The following ANAPC11 variants were observed in gnomAD, a reference collection of about 807,000 sequenced individuals.
ANAPC11 encodes anaphase-promoting complex subunit 11.
ANAPC11 carries 5 observed loss-of-function variants against 11.8 expected under a neutral mutation model. The observed-to-expected ratio is 0.42, with a 90% CI of 0.22 to 0.89. The LOEUF (loss-of-function observed/expected upper bound fraction) is 0.89. Among genes scored for constraint, ANAPC11 ranks in the 40% least tolerant of loss-of-function variants. ANAPC11 has a pLI of 0.28. For missense variants in ANAPC11, 68 were observed against 112.9 expected, an observed-to-expected ratio of 0.60 and a Z score of 1.80; for synonymous variants, 45 against 41.0, an observed-to-expected ratio of 1.10 and a Z score of -0.38.
At chr17:81,896,332 G>C (rs1378406797) in intron 3 of ANAPC11, among the ~76,000 whole-genome samples, 1 of 152,170 alleles carries the variant, frequency 6.6e-6, no homozygotes, top group African/African-American at 2.4e-5. Flanking sequence ...TGAGGCAAAA[G>C]AATCGCTTGA....
chr17:81,900,358 C>T, downstream of ANAPC11: 1 of 463,716 alleles, frequency 2.2e-6, no homozygotes. Context: ...AACGCCAAGG[C>T]CCTCGTCAAA....
At chr17:81,899,630 G>A in intron 3 of ANAPC11, 4 of 1,434,146 alleles carry the variant, frequency 2.8e-6, no homozygotes, top group Non-Finnish European at 3.8e-6. Flanking sequence ...AGAGGCCCCT[G>A]GGCTCCCCAC....
upstream of ANAPC11, chr17:81,890,959 C>G (rs2039511225): frequency 7.6e-7 from 1 of 1,322,680 alleles, no homozygotes; most frequent in Non-Finnish European, 1.0e-6. Flanking sequence ...CTCCCTCCGG[C>G]GCTGCAGCTG....
chr17:81,897,795 A>G (rs185760540), intron 3 of ANAPC11, among the ~76,000 whole-genome samples: 148 of 152,092 alleles, frequency 9.7e-4, no homozygotes, highest in African/African-American at 3.3e-3. Context: ...AAACTACATA[A>G]ATTTTTAATT....
At chr17:81,894,426 CAGA>C in intron 2 of ANAPC11, 38 bp from the exon 3 acceptor site, 4 of 1,258,360 alleles carry the variant, frequency 3.2e-6, no homozygotes, top group Non-Finnish European at 4.6e-6. Flanking sequence ...TCTAGCTCTG[CAGA>C]CTCAATTTAG....
chr17:81,899,277 G>A (rs1246064128), intron 3 of ANAPC11: 1 of 1,612,396 alleles, frequency 6.2e-7, no homozygotes, highest in African/African-American at 1.3e-5. Flanking sequence ...TAGGTGTTTG[G>A]GCTGGTGCCC....
At chr17:81,899,625 C>A in intron 3 of ANAPC11, 1 of 1,431,196 alleles carries the variant, frequency 7.0e-7, no homozygotes, top group Non-Finnish European at 9.5e-7. Context: ...CTCAGAGAGG[C>A]CCCTGGGCTC....
rs141215340 is a variant in ANAPC11, at chr17:81,896,925, G to A, written c.109+2339G>A. On this transcript the variant is annotated intron_variant, in intron 3 of 3. Coordinates refer to ENST00000344877, the MANE Select transcript of ANAPC11 (RefSeq NM_001002248.3). Reference sequence around the variant, plus strand: ...CCCTTCTGAGTTCAAAGGATTCTCCGGCCTCAGCCTCCCAAGTAGCTGGGA... The same window carrying A: ...CCCTTCTGAGTTCAAAGGATTCTCCAGCCTCAGCCTCCCAAGTAGCTGGGA... Among the ~76,000 whole-genome samples the A allele has an allele frequency of 2.5e-3, 351 of 142,446 alleles. 5 individuals are homozygous for A. Among genetic ancestry groups the A allele is most frequent in the East Asian group, 3.9e-3 (17 of 4,388 alleles). 93.5% of individuals were successfully genotyped at this position (142,446 alleles called of 152,430 possible).
chr17:81,890,804 T>A, upstream of ANAPC11: 1 of 1,613,990 alleles, frequency 6.2e-7, no homozygotes, highest in Non-Finnish European at 8.5e-7. Flanking sequence ...CTGCCACTTG[T>A]CGGGAAGTTG....
intron 3 of ANAPC11, 144 bp from the exon 4 acceptor site, chr17:81,899,776 C>T (rs1251249176): frequency 1.0e-6 from 1 of 1,003,276 alleles, no homozygotes; most frequent in East Asian, 2.6e-5. Flanking sequence ...GGGTAACACT[C>T]CTGATTTCGG....
upstream of ANAPC11, chr17:81,890,853 T>G: frequency 6.2e-7 from 1 of 1,613,742 alleles, no homozygotes; most frequent in Non-Finnish European, 8.5e-7. Flanking sequence ...AGCAGATCTG[T>G]GAGTCTCAGT....
In ANAPC11 at chr17:81,900,198, T is replaced by A; in HGVS notation, c.*133T>A. The A allele has an allele frequency of 7.2e-7, 1 of 1,389,910 alleles. No individual in the cohort carries two copies. The highest frequency in any genetic ancestry group is 9.8e-7 in the Non-Finnish European group (1 of 1,023,892). The allele number at this position is 1,389,910 out of a possible 1,614,324, so 86.1% of individuals were successfully genotyped here. On this transcript the variant is annotated 3_prime_UTR_variant, in exon 4 of 4. Transcript: ENST00000344877. Reference sequence around the variant, plus strand: ...GGCTGGAGCTGCGTTTGTTTTGCCATCACTATGTTGACACTTTTATCCAAT... The same window carrying A: ...GGCTGGAGCTGCGTTTGTTTTGCCAACACTATGTTGACACTTTTATCCAAT...
intron 3 of ANAPC11, chr17:81,899,141 T>C (rs1045963207): frequency 7.9e-7 from 1 of 1,265,264 alleles, no homozygotes; most frequent in Non-Finnish European, 1.1e-6. Context: ...TGCTGTGCTC[T>C]GTTGGCAGCA....
At position 81,891,787 on chromosome 17, in the gene ANAPC11, TTTTA is replaced by T; in HGVS notation, c.-127_-124del. On this transcript the variant is annotated 5_prime_UTR_variant, in exon 1 of 4. Transcript: ENST00000344877. ...GGAGTCGGGCCGCGACTGTGGTCGT[TTTTA>T]TACCTTCCCGCGCGGACGCCGGCGC... is the stretch of plus-strand genomic sequence containing the variant. 1 of 282,772 alleles carries T rather than the reference TTTTA, an allele frequency of 3.5e-6. No homozygotes were observed. Among genetic ancestry groups the T allele is most frequent in the Non-Finnish European group, 6.4e-6 (1 of 156,920 alleles). The allele number at this position is 282,772 out of a possible 1,614,324, so 17.5% of individuals were successfully genotyped here. A position where few individuals can be genotyped will look rare whatever the true frequency, so the allele number is the denominator to read the frequency against.
Position 81,899,927 on chromosome 17 carries a change from G to A in ANAPC11, c.117G>A (p.Val39=), listed in dbSNP as rs1278679922. 2 of 1,608,448 alleles carry A rather than the reference G, an allele frequency of 1.2e-6. No homozygotes were observed. The highest frequency in any genetic ancestry group is 1.7e-6 in the Non-Finnish European group (2 of 1,176,334). ...CCCACCTCCCCTCCGTAGGCAAGGT[G>A]CCCGGCGACGACTGCCCGCTGGTGT... ...AFNGCCPDCK[V]PGDDCPLVWG... is the part of the protein sequence containing the mutation. The change falls in exon 4 of 4, where the codon GTG becomes GTA. Residue 39 remains valine, a synonymous_variant. Transcript: ENST00000344877.
At chr17:81,899,738 T>TG in intron 3 of ANAPC11, 182 bp from the exon 4 acceptor site, 1 of 960,992 alleles carries the variant, frequency 1.0e-6, no homozygotes. Flanking sequence ...GGTCTTCGCC[T>TG]GGGGGCGGGC....
upstream of ANAPC11, chr17:81,891,263 C>G (rs2039522578): frequency 9.2e-7 from 1 of 1,092,656 alleles, no homozygotes; most frequent in South Asian, 3.8e-5. Flanking sequence ...GCGAGCGGCC[C>G]CGGCCCCAGC....
chr17:81,891,509 C>T (rs1265076140), upstream of ANAPC11: 1 of 1,340,356 alleles, frequency 7.5e-7, no homozygotes, highest in Admixed American at 2.7e-5. Context: ...CTCGCTGGCT[C>T]CGGTTCAGTT....
At chr17:81,890,967 C>A (rs996034534), upstream of ANAPC11, 5 of 1,246,922 alleles carry the variant, frequency 4.0e-6, no homozygotes, top group Admixed American at 9.7e-5. Flanking sequence ...GGCGCTGCAG[C>A]TGCCCCAGCC....
Sources: gnomAD v4.1 joint callset for allele counts (sites outside exome capture counted in the v4.1 genomes callset) on GRCh38, gnomAD v4.1.1 for gene constraint, MANE v1.5 for transcripts, NCBI Gene and HGNC (gene_info 2026-07-23, HGNC 2026-07-21) for gene names.